ZNF713: variants seen among roughly 807,000 people sequenced by gnomAD.
The protein encoded by ZNF713 is zinc finger protein 713.
Under a neutral mutation model 28.7 loss-of-function variants are expected in ZNF713, and 21 were observed. The ratio of observed to expected loss-of-function variants is 0.73; its 90% confidence interval spans 0.52 to 1.05. The LOEUF (loss-of-function observed/expected upper bound fraction) is 1.05, where lower values mean the gene tolerates loss of function less well. ZNF713 is among the 50% of genes least tolerant of loss of function. ZNF713 has a pLI of 0.00. For missense variants in ZNF713, 458 were observed against 532.4 expected, an observed-to-expected ratio of 0.86 and a Z score of 1.37; for synonymous variants, 167 against 178.0, an observed-to-expected ratio of 0.94 and a Z score of 0.49.
Position 55,923,144 on chromosome 7 carries a change from A to ATG in ZNF713, c.88-15_88-14dup. 1 of 1,604,810 alleles carries ATG rather than the reference A, an allele frequency of 6.2e-7. No individual in the cohort carries two copies. On this transcript the variant is annotated splice_polypyrimidine_tract_variant and intron_variant, in intron 4 of 6. Transcript: ENST00000429591. ...AAGAACCGTTTTTGCCTGAGCAGGG[A>ATG]TGTGCTTGATGTTTCAGGAATCACT...
At chr7:55,904,497 G>A (rs1247659595) in intron 1 of ZNF713, among the ~76,000 whole-genome samples, 1 of 140,222 alleles carries the variant, frequency 7.1e-6, no homozygotes, top group Non-Finnish European at 1.5e-5. Flanking sequence ...AAGTAATGAG[G>A]TCCATTGCAT....
chr7:55,932,806 C>T (rs1786263125), intron 6 of ZNF713, among the ~76,000 whole-genome samples: 1 of 134,330 alleles, frequency 7.4e-6, no homozygotes, highest in Admixed American at 8.2e-5. Context: ...ATGGCGTGAA[C>T]CCGGGAAGCG....
chr7:55,892,043 G>C (rs1245034059), intron 1 of ZNF713, among the ~76,000 whole-genome samples: 1 of 151,486 alleles, frequency 6.6e-6, no homozygotes, highest in Non-Finnish European at 1.5e-5. Context: ...ACTTTGAGAG[G>C]CCTAGGCAGG....
intron 1 of ZNF713, among the ~76,000 whole-genome samples, chr7:55,897,156 G>A (rs1181050890): frequency 1.3e-5 from 2 of 151,918 alleles, no homozygotes; most frequent in South Asian, 2.1e-4. Flanking sequence ...CAAACACCAC[G>A]TTAATAATTG....
intron 1 of ZNF713, among the ~76,000 whole-genome samples, chr7:55,890,339 A>G (rs1268134897): frequency 2.0e-5 from 3 of 151,640 alleles, no homozygotes; most frequent in East Asian, 1.9e-4. Flanking sequence ...AATCCCAGCA[A>G]CTTGGGAAGC....
At chr7:55,931,996 A>G (rs766593389) in intron 6 of ZNF713, among the ~76,000 whole-genome samples, 2 of 152,222 alleles carry the variant, frequency 1.3e-5, no homozygotes, top group African/African-American at 2.4e-5. Flanking sequence ...AACACTCTGG[A>G]GTCAAAGTCC....
chr7:55,894,478 A>AT (rs1785439678), intron 1 of ZNF713, among the ~76,000 whole-genome samples: 1 of 152,256 alleles, frequency 6.6e-6, no homozygotes, highest in Non-Finnish European at 1.5e-5. Flanking sequence ...TGTCCCATAT[A>AT]TCTAAGAAGT....
chr7:55,927,895 T>TCAAAAAAAA (rs1786131821), intron 6 of ZNF713, among the ~76,000 whole-genome samples: 1 of 3,968 alleles, frequency 2.5e-4, no homozygotes, highest in African/African-American at 3.4e-3. Context: ...AGACTCTGTC[T>TCAAAAAAAA]CAAAAAAAAA....
chr7:55,906,549 T>C (rs1217720841), intron 2 of ZNF713, among the ~76,000 whole-genome samples, 170 bp downstream of exon 2: 5 of 152,288 alleles, frequency 3.3e-5, no homozygotes, highest in Middle Eastern at 3.4e-3. Flanking sequence ...TTTTTCTGCC[T>C]CTGTCACAGC....
intron 1 of ZNF713, among the ~76,000 whole-genome samples, chr7:55,895,408 A>G (rs1235510657): frequency 6.8e-6 from 1 of 147,492 alleles, no homozygotes; most frequent in Non-Finnish European, 1.5e-5. Context: ...AGATATATCT[A>G]TCTATCTACT....
chr7:55,932,838 T>C (rs1226672725), intron 6 of ZNF713, among the ~76,000 whole-genome samples: 1 of 119,056 alleles, frequency 8.4e-6, no homozygotes, highest in East Asian at 2.8e-4. Flanking sequence ...GAGCCGAGAT[T>C]GCGCCACTGC....
intron 6 of ZNF713, among the ~76,000 whole-genome samples, 153 bp from the exon 7 acceptor site, chr7:55,938,829 C>T (rs74461135): frequency 1.3e-5 from 2 of 152,306 alleles, no homozygotes; most frequent in African/African-American, 2.4e-5. Flanking sequence ...CCCTTTGTGA[C>T]GTGGCCACAT....
At chr7:55,902,192 AAAAAAT>A (rs1216519704) in intron 1 of ZNF713, among the ~76,000 whole-genome samples, 3 of 152,188 alleles carry the variant, frequency 2.0e-5, no homozygotes, top group East Asian at 1.9e-4. Flanking sequence ...CTCCATCTCC[AAAAAAT>A]AAAAATAAAA....
At position 55,942,068 on chromosome 7, in the gene ZNF713, A is replaced by G. The variant is rs1786479840; in HGVS notation, c.*2062A>G. On this transcript the variant is annotated 3_prime_UTR_variant, in exon 7 of 7. Coordinates refer to ENST00000429591, the MANE Select transcript of ZNF713 (RefSeq NM_182633.3). The stretch of plus-strand genomic sequence containing the variant: ...AACAGAAGTTTTGGGATTTTGTAAA[A>G]TAATGACCAGAGACTAAGAATTCCC... 1 of 152,236 alleles carries G rather than the reference A, an allele frequency of 6.6e-6. No individual in the cohort carries two copies. Among genetic ancestry groups the G allele is most frequent in the Middle Eastern group, 3.4e-3 (1 of 294 alleles). 9.4% of individuals were successfully genotyped at this position (152,236 alleles called of 1,614,324 possible). A position where few individuals can be genotyped will look rare whatever the true frequency, so the allele number is the denominator to read the frequency against.
chr7:55,925,952 C>G (rs1429063233), intron 6 of ZNF713, among the ~76,000 whole-genome samples: 1 of 152,130 alleles, frequency 6.6e-6, no homozygotes, highest in Non-Finnish European at 1.5e-5. Context: ...CTGTAGGACC[C>G]ACACTATCTC....
chr7:55,902,993 C>CA (rs35706402), intron 1 of ZNF713, among the ~76,000 whole-genome samples: 807 of 80,668 alleles, frequency 0.01, 15 homozygotes, highest in Middle Eastern at 0.014. Flanking sequence ...AACTCCGTCT[C>CA]AAAAAAAAAA....
chr7:55,925,588 T>A (rs1480377021), intron 6 of ZNF713, among the ~76,000 whole-genome samples: 1 of 152,060 alleles, frequency 6.6e-6, no homozygotes, highest in Admixed American at 6.6e-5. Context: ...ACCACTGCAC[T>A]TCAGCCTGGC....
rs1412844663 is a variant in ZNF713 at position 55,890,500 on chromosome 7, A to C, written c.-583+2820A>C. On this transcript the variant is annotated intron_variant, in intron 1 of 6. Coordinates refer to ENST00000429591, the MANE Select transcript of ZNF713 (RefSeq NM_182633.3). ...CCTTTAAGGCCCTATTTCCAAATAAAGTCACATTGCGGGTTAGGACTTCAA... is the reference window on the plus strand; with the variant it reads ...CCTTTAAGGCCCTATTTCCAAATAACGTCACATTGCGGGTTAGGACTTCAA... Among the ~76,000 whole-genome samples the C allele has an allele frequency of 6.6e-5, 10 of 152,166 alleles. No individual in the cohort carries two copies. In the East Asian group the frequency reaches 1.9e-3, roughly 29 times the overall value.
At chr7:55,920,923 A>G (rs1785980234) in intron 4 of ZNF713, among the ~76,000 whole-genome samples, 1 of 152,104 alleles carries the variant, frequency 6.6e-6, no homozygotes, top group Non-Finnish European at 1.5e-5. Flanking sequence ...GCCCAACCCA[A>G]TCTAGGACTT....
Sources: allele counts gnomAD v4.1 joint callset (sites outside exome capture counted in the v4.1 genomes callset), GRCh38; gene constraint gnomAD v4.1.1; transcripts MANE v1.5; gene names NCBI Gene and HGNC (gene_info 2026-07-23, HGNC 2026-07-21).